Variants in CASZ1 observed in about 807,000 individuals in gnomAD.
CASZ1 encodes the protein castor zinc finger 1.
In CASZ1, 28 loss-of-function variants were observed where a neutral mutation model predicts 135.2. The observed-to-expected ratio is 0.21, with a 90% CI of 0.15 to 0.28. The LOEUF is 0.28. Among genes scored for constraint, CASZ1 ranks in the 10% least tolerant of loss-of-function variants. CASZ1 has a pLI of 1.00. For synonymous variants in CASZ1, 1,068 were observed against 1,073.4 expected, an observed-to-expected ratio of 0.99 and a Z score of 0.10; for missense variants, 2,161 against 2,453.3, an observed-to-expected ratio of 0.88 and a Z score of 2.52.
At chr1:10,715,106 C>T (rs181931136) in intron 2 of CASZ1, among the ~76,000 whole-genome samples, 218 of 152,334 alleles carry the variant, frequency 1.4e-3, no homozygotes, top group African/African-American at 4.8e-3. Context: ...AGTTACTCTC[C>T]GAGTCAGCCC....
chr1:10,785,915 G>A (rs567143142), intron 1 of CASZ1, among the ~76,000 whole-genome samples: 5 of 152,322 alleles, frequency 3.3e-5, no homozygotes, highest in East Asian at 1.9e-4. Flanking sequence ...CATGGTCCAC[G>A]TGACGGGAAT....
intron 1 of CASZ1, among the ~76,000 whole-genome samples, chr1:10,791,477 A>C (rs776118950): frequency 1.3e-5 from 2 of 152,190 alleles, no homozygotes; most frequent in Non-Finnish European, 2.9e-5. Context: ...CAACCTCAAA[A>C]GCAAATTCCT....
chr1:10,702,984 G>A (rs1416969477), intron 3 of CASZ1, among the ~76,000 whole-genome samples: 1 of 151,914 alleles, frequency 6.6e-6, no homozygotes, highest in Non-Finnish European at 1.5e-5. Flanking sequence ...GAGAGAGAGA[G>A]AGCGCCATGG....
chr1:10,640,161 G>A (rs2124663987), intron 20 of CASZ1, 102 bp from the exon 21 acceptor site: 3 of 1,491,654 alleles, frequency 2.0e-6, no homozygotes, highest in East Asian at 2.3e-5. Context: ...GGCGCCAGAG[G>A]GCGGCATTTA....
At chr1:10,656,879 CTG>C in intron 7 of CASZ1, 143 bp from the exon 8 acceptor site, 2 of 630,146 alleles carry the variant, frequency 3.2e-6, no homozygotes, top group Non-Finnish European at 5.7e-6. Flanking sequence ...AGGCAAGTGA[CTG>C]GGCCTGGCGG....
At chr1:10,668,576 A>C (rs935515553) in intron 4 of CASZ1, among the ~76,000 whole-genome samples, 2 of 152,208 alleles carry the variant, frequency 1.3e-5, no homozygotes, top group Non-Finnish European at 2.9e-5. Flanking sequence ...CCTGGGACCC[A>C]CACACAGTCA....
At chr1:10,752,636 G>A (rs996499733) in intron 2 of CASZ1, among the ~76,000 whole-genome samples, 1 of 152,230 alleles carries the variant, frequency 6.6e-6, no homozygotes, top group African/African-American at 2.4e-5. Flanking sequence ...CTTCCAGAAG[G>A]AGGTCCCAGC....
chr1:10,728,020 C>T (rs936823020), intron 2 of CASZ1, among the ~76,000 whole-genome samples: 11 of 152,224 alleles, frequency 7.2e-5, no homozygotes, highest in African/African-American at 2.2e-4. Flanking sequence ...GTCCTACCAC[C>T]GCCTATGCTC....
At chr1:10,764,602 G>A (rs888111318) in intron 1 of CASZ1, among the ~76,000 whole-genome samples, 1 of 152,216 alleles carries the variant, frequency 6.6e-6, no homozygotes, top group Non-Finnish European at 1.5e-5. Context: ...ATGTACAGGT[G>A]CCAAAGCCAG....
At chr1:10,731,472 C>CA (rs1255952780) in intron 2 of CASZ1, among the ~76,000 whole-genome samples, 1 of 152,058 alleles carries the variant, frequency 6.6e-6, no homozygotes, top group African/African-American at 2.4e-5. Context: ...GTGCTCCCAG[C>CA]TACTTGGGAG....
At chr1:10,691,005 C>G (rs1051793128) in intron 4 of CASZ1, among the ~76,000 whole-genome samples, 7 of 152,184 alleles carry the variant, frequency 4.6e-5, no homozygotes, top group South Asian at 2.1e-4. Flanking sequence ...CCCCTCCCCC[C>G]TTCCCGCTCC....
At chr1:10,752,085 C>A (rs1391993991) in intron 2 of CASZ1, among the ~76,000 whole-genome samples, 1 of 152,232 alleles carries the variant, frequency 6.6e-6, no homozygotes, top group Non-Finnish European at 1.5e-5. Flanking sequence ...GGCACACCCT[C>A]CCCAAGGAGC....
chr1:10,655,790 C>A lies in CASZ1; in HGVS notation c.1524G>T (p.Val508=). 1 of 1,614,102 alleles carries A rather than the reference C, an allele frequency of 6.2e-7. No homozygotes were observed. Among genetic ancestry groups the A allele is most frequent in the Non-Finnish European group, 8.5e-7 (1 of 1,179,952 alleles). The change falls in exon 9 of 21, where the codon GTG becomes GTT. Residue 508 remains valine, a synonymous_variant. Coordinates refer to ENST00000377022, the MANE Select transcript of CASZ1 (RefSeq NM_001079843.3). ...NYQRFTSKQD[V]IRHYNMHKKR... is the part of the protein sequence containing the mutation. ...TCTTGTGCATGTTGTAGTGGCGGAT[C>A]ACGTCCTGCTTACTCGTGAACCTCT...
At position 10,694,115 on chromosome 1, in the gene CASZ1, C is replaced by T. The variant is rs1638857622; in HGVS notation, c.-23-203G>A. Among the ~76,000 whole-genome samples, 1 of 151,314 alleles carries T rather than the reference C, an allele frequency of 6.6e-6. No homozygotes were observed. The highest frequency in any genetic ancestry group is 1.5e-5 in the Non-Finnish European group (1 of 67,778). ...GGCCCCGCACGCGCCCGCGGGTCCG[C>T]GCCGCCTGAGTTTCTCCAACTAAGG... On this transcript the variant is annotated intron_variant, in intron 3 of 20. Transcript: ENST00000377022. The surrounding 1 kb of genome is among the most constrained non-coding windows in gnomAD (Gnocchi z 6.6).
chr1:10,699,968 CAG>C lies in CASZ1; in HGVS notation c.-24+5522_-24+5523del, dbSNP rs1047808258. On this transcript the variant is annotated intron_variant, in intron 3 of 20. Transcript: ENST00000377022. The surrounding 1 kb of genome is among the most constrained non-coding windows in gnomAD (Gnocchi z 4.6). ...AGAAGAAACAGAAGAGAAGCAGAGA[CAG>C]AGAGAGAGAAAGAGAGACAGGCAGA... 1.3e-4 allele frequency among the ~76,000 whole-genome samples: 19 copies of C among 150,416 alleles called. No individual in the cohort carries two copies. Among genetic ancestry groups the C allele is most frequent in the African/African-American group, 4.7e-4 (19 of 40,828 alleles).
Position 10,646,104 on chromosome 1 carries a change from T to G in CASZ1, c.3696+24A>C. 6.2e-7 allele frequency: 1 copy of G among 1,612,162 alleles called. No homozygotes were observed. Among genetic ancestry groups the G allele is most frequent in the Non-Finnish European group, 8.5e-7 (1 of 1,178,812 alleles). ...ACCTCCCTGCCCCCTACTCTGCCCC[T>G]GCGCCGTGTACCGCCATGCTGACCT... is the stretch of plus-strand genomic sequence containing the variant. On this transcript the variant is annotated intron_variant, in intron 17 of 20. Transcript: ENST00000377022. This position sits in a 1 kb window ranked among gnomAD's most constrained non-coding sequence, Gnocchi z 6.4.
intron 1 of CASZ1, among the ~76,000 whole-genome samples, chr1:10,780,660 G>T (rs556750783): frequency 6.6e-6 from 1 of 152,184 alleles, no homozygotes; most frequent in Admixed American, 6.5e-5. Flanking sequence ...AGTTAGGGGT[G>T]CATTTTTTTC....
At position 10,795,611 on chromosome 1, in the gene CASZ1, C is replaced by T. The variant is rs376667795; in HGVS notation, c.-234+953G>A. ...GGCAACAACTCGCCCGAACTTTCCC[C>T]GGGACCCAGGCGGGCTCCAGCCGAC... On this transcript the variant is annotated intron_variant, in intron 1 of 20. Transcript: ENST00000377022. Among the ~76,000 whole-genome samples, 8 of 152,316 alleles carry T rather than the reference C, an allele frequency of 5.3e-5. No individual in the cohort carries two copies. In the South Asian group the frequency reaches 8.3e-4, roughly 16 times the overall value.
rs560469639 is a variant in CASZ1, at chr1:10,646,569, A to G, written c.3498-243T>C. On this transcript the variant is annotated intron_variant, in intron 16 of 20. Coordinates refer to ENST00000377022, the MANE Select transcript of CASZ1 (RefSeq NM_001079843.3). The surrounding 1 kb of genome is among the most constrained non-coding windows in gnomAD (Gnocchi z 6.4). Reference sequence around the variant, plus strand: ...AGGGATTGCAATATGCAGGGTGCCCAGAGCATTGCATGCTGGGACAAGTAG... The same window carrying G: ...AGGGATTGCAATATGCAGGGTGCCCGGAGCATTGCATGCTGGGACAAGTAG... 6.6e-6 allele frequency among the ~76,000 whole-genome samples: 1 copy of G among 152,368 alleles called. No individual in the cohort carries two copies. The highest frequency in any genetic ancestry group is 1.9e-4 in the East Asian group (1 of 5,190).
Sources: allele counts gnomAD v4.1 joint callset (sites outside exome capture counted in the v4.1 genomes callset), GRCh38; gene constraint gnomAD v4.1.1; non-coding constraint Gnocchi (gnomAD v3.1); transcripts MANE v1.5; gene names NCBI Gene and HGNC (gene_info 2026-07-23, HGNC 2026-07-21).